Variants in DOCK4 observed in about 807,000 individuals in gnomAD.
DOCK4 encodes dedicator of cytokinesis 4.
In DOCK4, 97 loss-of-function variants were observed where a neutral mutation model predicts 268.1. The ratio of observed to expected loss-of-function variants is 0.36; its 90% CI spans 0.31 to 0.43. The LOEUF (loss-of-function observed/expected upper bound fraction) is 0.43. Among genes scored for constraint, DOCK4 ranks in the 20% least tolerant of loss-of-function variants. The probability of loss-of-function intolerance (pLI) is 1.00; values close to 1 mark genes in which losing one functional copy is unlikely to be tolerated. For synonymous variants in DOCK4, 954 were observed against 887.2 expected (o/e 1.08, Z -1.34); for missense variants, 2,145 against 2,455.7 (o/e 0.87, Z 2.67).
At chr7:112,026,601 A>T (rs1802814819) in intron 1 of DOCK4, among the ~76,000 whole-genome samples, 1 of 152,230 alleles carries the variant, frequency 6.6e-6, no homozygotes, top group Admixed American at 6.5e-5. Flanking sequence ...ATTTTAAAAG[A>T]GTAATATTTT....
chr7:111,884,817 A>C (rs979752733), intron 16 of DOCK4, among the ~76,000 whole-genome samples: 1 of 152,180 alleles, frequency 6.6e-6, no homozygotes, highest in Non-Finnish European at 1.5e-5. Context: ...ATTCAACGAC[A>C]AGGGATAGGG....
chr7:112,114,771 C>A (rs527910218), intron 1 of DOCK4, among the ~76,000 whole-genome samples: 39 of 152,268 alleles, frequency 2.6e-4, no homozygotes, highest in African/African-American at 9.4e-4. Context: ...GTAAAAATTA[C>A]AATCACTACA....
chr7:112,029,085 A>T (rs1803053570), intron 1 of DOCK4, among the ~76,000 whole-genome samples: 1 of 152,098 alleles, frequency 6.6e-6, no homozygotes, highest in South Asian at 2.1e-4. Context: ...GCGCCTGAAA[A>T]ATCCATCACT....
rs772624033 is a variant in DOCK4 at position 111,784,125 on chromosome 7, T to C, written c.3402-2A>G. ...GGATAGGGACCAAATAGTGGAATTC[T>C]AATCCAGGAAGCATTGACAAAGCAA... is the stretch of plus-strand genomic sequence containing the variant. On this transcript the variant is annotated splice_acceptor_variant, in intron 32 of 52. Coordinates refer to ENST00000428084, the MANE Select transcript of DOCK4 (RefSeq NM_001363540.2). LOFTEE classifies it high-confidence loss of function. 6.3e-7 allele frequency: 1 copy of C among 1,575,334 alleles called. No individual in the cohort carries two copies. The highest frequency in any genetic ancestry group is 8.6e-7 in the Non-Finnish European group (1 of 1,166,184).
chr7:112,029,812 C>T (rs550718723), intron 1 of DOCK4, among the ~76,000 whole-genome samples: 8 of 152,304 alleles, frequency 5.3e-5, no homozygotes, highest in African/African-American at 1.9e-4. Flanking sequence ...ACTACTGATG[C>T]ATCACAGAAA....
At chr7:111,923,847 T>C (rs1223351792) in intron 12 of DOCK4, among the ~76,000 whole-genome samples, 1 of 152,228 alleles carries the variant, frequency 6.6e-6, no homozygotes, top group Non-Finnish European at 1.5e-5. Context: ...ATATTTTAAG[T>C]TATTTTACTA....
At chr7:111,875,889 AAATAAGT>A (rs1367629823) in intron 17 of DOCK4, among the ~76,000 whole-genome samples, 1 of 152,220 alleles carries the variant, frequency 6.6e-6, no homozygotes, top group Non-Finnish European at 1.5e-5. Context: ...CAGCTGCAAT[AAATAAGT>A]AATACAACCC....
At chr7:111,752,235 C>A (rs1273629026) in intron 42 of DOCK4, among the ~76,000 whole-genome samples, 1 of 152,202 alleles carries the variant, frequency 6.6e-6, no homozygotes, top group African/African-American at 2.4e-5. Flanking sequence ...GTAAGTCAGG[C>A]TCATTATATC....
chr7:111,767,573 C>G (rs1489965927), intron 37 of DOCK4, among the ~76,000 whole-genome samples: 3 of 152,100 alleles, frequency 2.0e-5, no homozygotes, highest in Non-Finnish European at 4.4e-5. Flanking sequence ...TTGAAAACAC[C>G]ATGTAATTGA....
intron 4 of DOCK4, among the ~76,000 whole-genome samples, chr7:111,997,418 A>G (rs1800058265): frequency 6.6e-6 from 1 of 152,220 alleles, no homozygotes; most frequent in Non-Finnish European, 1.5e-5. Flanking sequence ...CATGTAGAGT[A>G]ATGGTCTCTG....
intron 4 of DOCK4, among the ~76,000 whole-genome samples, chr7:111,996,604 C>A (rs1034463150): frequency 2.6e-5 from 4 of 152,152 alleles, no homozygotes; most frequent in Admixed American, 6.5e-5. Flanking sequence ...TGAGTCAATT[C>A]CAATAAGTCT....
intron 13 of DOCK4, among the ~76,000 whole-genome samples, chr7:111,914,977 A>G (rs1792464471): frequency 6.6e-6 from 1 of 152,212 alleles, no homozygotes; most frequent in Admixed American, 6.5e-5. Context: ...ATTGATGCTC[A>G]ATCAATGCCT....
intron 1 of DOCK4, among the ~76,000 whole-genome samples, chr7:112,008,245 C>T (rs1459388794): frequency 1.3e-5 from 2 of 152,290 alleles, no homozygotes; most frequent in East Asian, 1.9e-4. Context: ...GTGTTCATCT[C>T]TGCCCATTTG....
intron 22 of DOCK4, among the ~76,000 whole-genome samples, chr7:111,865,457 T>C (rs552698057): frequency 6.6e-6 from 1 of 152,244 alleles, no homozygotes; most frequent in African/African-American, 2.4e-5. Context: ...AAATGCAAAA[T>C]GGAGCAAGAA....
At chr7:111,884,408 T>G (rs1051931792) in intron 16 of DOCK4, among the ~76,000 whole-genome samples, 1 of 152,238 alleles carries the variant, frequency 6.6e-6, no homozygotes, top group Non-Finnish European at 1.5e-5. Context: ...AAATTTGTAT[T>G]CACAACTACC....
intron 8 of DOCK4, among the ~76,000 whole-genome samples, chr7:111,974,491 GAT>G (rs1491392224): frequency 1.1e-4 from 10 of 90,442 alleles, no homozygotes; most frequent in East Asian, 4.8e-4. Flanking sequence ...ATTGAAGAGG[GAT>G]GTGTGTGTGT....
At chr7:111,899,039 C>A (rs1235113223) in intron 15 of DOCK4, among the ~76,000 whole-genome samples, 1 of 152,172 alleles carries the variant, frequency 6.6e-6, no homozygotes, top group African/African-American at 2.4e-5. Context: ...TAGTATGGCA[C>A]CATTCTAAGT....
chr7:112,056,954 A>G (rs897098948), intron 1 of DOCK4, among the ~76,000 whole-genome samples: 1 of 152,178 alleles, frequency 6.6e-6, no homozygotes, highest in African/African-American at 2.4e-5. Flanking sequence ...GACATCAGCT[A>G]TTAAAATATC....
chr7:112,145,938 A>G (rs2560639), intron 1 of DOCK4, among the ~76,000 whole-genome samples: 25,488 of 152,210 alleles, frequency 0.17, 2,663 homozygotes, highest in South Asian at 0.24. Context: ...ACTGCGTACT[A>G]TATTAGAATG....
Sources: gnomAD v4.1 joint callset for allele counts (sites outside exome capture counted in the v4.1 genomes callset) on GRCh38, gnomAD v4.1.1 for gene constraint, MANE v1.5 for transcripts, NCBI Gene and HGNC (gene_info 2026-07-23, HGNC 2026-07-21) for gene names.